The following ZFYVE27 variants were observed in gnomAD, a reference collection of about 807,000 sequenced individuals.
ZFYVE27 encodes protrudin.
ZFYVE27 carries 36 observed loss-of-function variants against 52.8 expected under a neutral mutation model. That is an observed-to-expected ratio of 0.68 (90% CI 0.52 to 0.90). The LOEUF is 0.90. ZFYVE27 is among the 40% of genes least tolerant of loss of function. The pLI, the probability that ZFYVE27 is intolerant of heterozygous loss-of-function variation, is 0.00. For missense variants in ZFYVE27, 450 were observed against 527.2 expected, an observed-to-expected ratio of 0.85 and a Z score of 1.43; for synonymous variants, 223 against 215.6, an observed-to-expected ratio of 1.03 and a Z score of -0.30.
chr10:97,740,523 CT>C (rs2043334932), intron 2 of ZFYVE27, among the ~76,000 whole-genome samples: 1 of 152,232 alleles, frequency 6.6e-6, no homozygotes, highest in Admixed American at 6.5e-5. Context: ...TAAGTGTATC[CT>C]GTCCTGCCCG....
chr10:97,748,307 G>A lies in ZFYVE27; in HGVS notation c.494G>A (p.Cys165Tyr). The A allele has an allele frequency of 6.2e-7, 1 of 1,614,108 alleles. No homozygotes were observed. The highest frequency in any genetic ancestry group is 8.5e-7 in the Non-Finnish European group (1 of 1,180,024). ...QLEAFLSRLCCTCEAAYRVLH... is the reference protein window; with the variant it reads ...QLEAFLSRLCYTCEAAYRVLH... ...GAGGCCTTCCTGAGCCGCCTGTGCT[G>A]CACATGTGAAGCCGCCTACCGCGTG... Residue 165 changes from cysteine to tyrosine, a missense_variant, in exon 5 of 13, where the codon TGC becomes TAC. Transcript: ENST00000684270.
At chr10:97,742,148 AAAAG>A (rs960812267) in intron 2 of ZFYVE27, among the ~76,000 whole-genome samples, 5 of 152,244 alleles carry the variant, frequency 3.3e-5, no homozygotes, top group African/African-American at 1.2e-4. Flanking sequence ...AAAAAAAAAA[AAAAG>A]AAAATACATT....
At position 97,752,706 on chromosome 10, in the gene ZFYVE27, G is replaced by A. The variant is rs1416180411; in HGVS notation, c.877-151G>A. 1.0e-5 allele frequency: 9 copies of A among 858,198 alleles called. 1 individual carries two copies. Among genetic ancestry groups the A allele is most frequent in the Middle Eastern group, 2.3e-4 (1 of 4,410 alleles). 53.2% of individuals were successfully genotyped at this position (858,198 alleles called of 1,614,324 possible). A position where few individuals can be genotyped will look rare whatever the true frequency, so the allele number is the denominator to read the frequency against. On this transcript the variant is annotated intron_variant, in intron 8 of 12. Coordinates refer to ENST00000684270, the MANE Select transcript of ZFYVE27 (RefSeq NM_001385875.1). ...ATGCTGGGATCCTCTTGTGGGGGGC[G>A]TCTGTCAATGTCACCATTTGGGAAG...
intron 1 of ZFYVE27, 64 bp from the exon 2 acceptor site, chr10:97,738,413 G>A: frequency 6.4e-7 from 1 of 1,572,400 alleles, no homozygotes. Context: ...ACCTGAATCT[G>A]TAGGTAGAAT....
intron 10 of ZFYVE27, among the ~76,000 whole-genome samples, chr10:97,754,334 A>G (rs1359995641): frequency 4.2e-5 from 6 of 142,328 alleles, no homozygotes; most frequent in Admixed American, 2.8e-4. Context: ...TTTTTTTGAG[A>G]CAAGGTCTCA....
Position 97,747,298 on chromosome 10 carries a change from T to G in ZFYVE27, c.456-971T>G, listed in dbSNP as rs553946577. ...TGACTTTGATCACTTGGTTAAGGCA[T>G]CCATACTGTAAATTATCATTTTACT... On this transcript the variant is annotated intron_variant, in intron 4 of 12. Coordinates refer to ENST00000684270, the MANE Select transcript of ZFYVE27 (RefSeq NM_001385875.1). Among the ~76,000 whole-genome samples the G allele has an allele frequency of 5.9e-5, 9 of 152,336 alleles. No homozygotes were observed. The East Asian group carries it at 1.7e-3, about 29-fold the overall frequency.
At chr10:97,756,562 C>T (rs1366509546) in intron 10 of ZFYVE27, among the ~76,000 whole-genome samples, 1 of 152,194 alleles carries the variant, frequency 6.6e-6, no homozygotes, top group Non-Finnish European at 1.5e-5. Flanking sequence ...TCTCCCCTTA[C>T]ACCCCCTTGT....
intron 6 of ZFYVE27, 84 bp downstream of exon 6, chr10:97,749,670 C>CAAACTGATGAT: frequency 2.7e-6 from 3 of 1,113,652 alleles, no homozygotes; most frequent in Non-Finnish European, 4.1e-6. Flanking sequence ...GTCTCTACAG[C>CAAACTGATGAT]TAATCATCAG....
chr10:97,759,313 G>C lies in ZFYVE27; in HGVS notation c.*13G>C, dbSNP rs932903591. Reference sequence around the variant, plus strand: ...CTTGAGCAAGTGAGAAGAGAGGCCAGGGTCCAACCAGGCACCCGTCCTTGG... The same window carrying C: ...CTTGAGCAAGTGAGAAGAGAGGCCACGGTCCAACCAGGCACCCGTCCTTGG... On this transcript the variant is annotated 3_prime_UTR_variant, in exon 13 of 13. Transcript: ENST00000684270. 1 of 1,614,018 alleles carries C rather than the reference G, an allele frequency of 6.2e-7. No individual in the cohort carries two copies. The highest frequency in any genetic ancestry group is 1.3e-5 in the African/African-American group (1 of 74,912).
At chr10:97,737,569 G>T (rs2042427328) in intron 1 of ZFYVE27, among the ~76,000 whole-genome samples, 1 of 147,446 alleles carries the variant, frequency 6.8e-6, no homozygotes, top group African/African-American at 2.7e-5. Context: ...TTTCGCCTTG[G>T]CTCGGCCTGC....
chr10:97,754,818 C>T, intron 10 of ZFYVE27: 1 of 1,288,728 alleles, frequency 7.8e-7, no homozygotes, highest in Non-Finnish European at 1.0e-6. Flanking sequence ...TTACTCTGGT[C>T]CAGCAAATAA....
In ZFYVE27 at chr10:97,748,323, C is replaced by T; in HGVS notation, c.510C>T (p.Ala170=). The part of the protein sequence containing the change: ...LSRLCCTCEA[A]YRVLHWENPV... ...GCCTGTGCTGCACATGTGAAGCCGC[C>T]TACCGCGTGCTGCACTGGGAGAACC... is the stretch of plus-strand genomic sequence containing the variant. Residue 170 remains alanine (A), a synonymous_variant, in exon 5 of 13, where the codon GCC becomes GCT. Coordinates refer to ENST00000684270, the MANE Select transcript of ZFYVE27 (RefSeq NM_001385875.1). 6.2e-7 allele frequency: 1 copy of T among 1,614,202 alleles called. No individual in the cohort carries two copies. The highest frequency in any genetic ancestry group is 8.5e-7 in the Non-Finnish European group (1 of 1,180,038).
rs1366150442 is a variant in ZFYVE27 at position 97,760,860 on chromosome 10, CTA to C, written c.*1562_*1563del. 6 of 152,276 alleles carry C rather than the reference CTA, an allele frequency of 3.9e-5. No homozygotes were observed. The highest frequency in any genetic ancestry group is 8.8e-5 in the Non-Finnish European group (6 of 68,062). 9.4% of individuals were successfully genotyped at this position (152,276 alleles called of 1,614,324 possible). ...AGAGGAACTAAAAGGATCTCTGTGT[CTA>C]TGGAGAATTGTCAATAAAAAGGCCT... On this transcript the variant is annotated 3_prime_UTR_variant, in exon 13 of 13. Transcript: ENST00000684270.
chr10:97,738,598 G>C lies in ZFYVE27; in HGVS notation c.121G>C (p.Val41Leu). 1 of 1,614,028 alleles carries C rather than the reference G, an allele frequency of 6.2e-7. No individual in the cohort carries two copies. Among genetic ancestry groups the C allele is most frequent in the Non-Finnish European group, 8.5e-7 (1 of 1,179,996 alleles). ...CCCAGCGTTTGACCTTTTCAACTTG[G>C]TTCTCTCCTACAAGAGGCTGGAGAT... is the stretch of plus-strand genomic sequence containing the variant. ...KSPAFDLFNL[V>L]LSYKRLEIYL... is the part of the protein sequence containing the mutation. Residue 41 changes from valine to leucine, a missense_variant, in exon 2 of 13, where the codon GTT becomes CTT. Physicochemically the swap from Val to Leu is conservative, Grantham distance 32. Coordinates refer to ENST00000684270, the MANE Select transcript of ZFYVE27 (RefSeq NM_001385875.1).
At position 97,759,428 on chromosome 10, in the gene ZFYVE27, C is replaced by A; in HGVS notation, c.*128C>A. ...GGCCTGAATGCTAGGTAGGCTTCCC[C>A]TTCCTTCCTCACTCTCTCCAGCTGG... On this transcript the variant is annotated 3_prime_UTR_variant, in exon 13 of 13. Transcript: ENST00000684270. The A allele has an allele frequency of 1.1e-6, 1 of 918,970 alleles. No individual in the cohort carries two copies. The highest frequency in any genetic ancestry group is 1.8e-6 in the Non-Finnish European group (1 of 569,512). 56.9% of individuals were successfully genotyped at this position (918,970 alleles called of 1,614,324 possible).
chr10:97,742,151 A>G (rs1332121581), intron 2 of ZFYVE27, among the ~76,000 whole-genome samples: 2 of 151,184 alleles, frequency 1.3e-5, no homozygotes, highest in Admixed American at 6.6e-5. Flanking sequence ...AAAAAAAAAA[A>G]GAAAATACAT....
chr10:97,756,708 A>AT (rs755716467), intron 10 of ZFYVE27, among the ~76,000 whole-genome samples: 8 of 152,068 alleles, frequency 5.3e-5, no homozygotes, highest in Non-Finnish European at 1.0e-4. Flanking sequence ...GCCCACCACA[A>AT]TTGAGCATTC....
rs368829950 is a variant in ZFYVE27 at position 97,748,251 on chromosome 10, A to G, written c.456-18A>G. The G allele has an allele frequency of 6.2e-7, 1 of 1,613,338 alleles. No homozygotes were observed. The highest frequency in any genetic ancestry group is 8.5e-7 in the Non-Finnish European group (1 of 1,179,908). On this transcript the variant is annotated intron_variant, in intron 4 of 12. Transcript: ENST00000684270. ...GGGCTTCTGTCCTGCCCACTCACCA[A>G]AGCCCCTGTGTCTGTAGCTTGATCC...
At chr10:97,741,576 G>T (rs557930751) in intron 2 of ZFYVE27, among the ~76,000 whole-genome samples, 1 of 152,180 alleles carries the variant, frequency 6.6e-6, no homozygotes, top group Non-Finnish European at 1.5e-5. Context: ...AGAACACATG[G>T]ACACAGGGAG....
Sources: gnomAD v4.1 joint callset for allele counts (sites outside exome capture counted in the v4.1 genomes callset) on GRCh38, gnomAD v4.1.1 for gene constraint, MANE v1.5 for transcripts, NCBI Gene and HGNC (gene_info 2026-07-23, HGNC 2026-07-21) for gene names.